WWOX: variants seen among roughly 807,000 people sequenced by gnomAD.
The protein encoded by WWOX is WW domain-containing oxidoreductase.
In WWOX, 69 loss-of-function variants were observed where a neutral mutation model predicts 46.2. That is an observed-to-expected ratio of 1.49 (90% CI 1.23 to 1.82). The LOEUF (loss-of-function observed/expected upper bound fraction) is 1.82, where lower values mean the gene tolerates loss of function less well. Among genes scored for constraint, WWOX ranks in the 40% most tolerant of loss-of-function variants. WWOX has a pLI of 0.00. For synonymous variants in WWOX, 359 were observed against 202.6 expected (o/e 1.77, Z -6.56); for missense variants, 919 against 542.6 (o/e 1.69, Z -6.89).
chr16:79,132,985 T>A (rs1464131306), intron 8 of WWOX, among the ~76,000 whole-genome samples: 7 of 152,182 alleles, frequency 4.6e-5, no homozygotes, highest in Non-Finnish European at 1.0e-4. Flanking sequence ...GTCACTTGGA[T>A]CTTACCAGTC....
In WWOX at chr16:78,453,267, T is replaced by G. The variant is rs78149005; in HGVS notation, c.1056+20515T>G. Among the ~76,000 whole-genome samples the G allele has an allele frequency of 5.2e-3, 787 of 152,004 alleles. 9 individuals are homozygous for G. Among genetic ancestry groups the G allele is most frequent in the African/African-American group, 0.018 (750 of 41,466 alleles). On this transcript the variant is annotated intron_variant, in intron 8 of 8. Coordinates refer to ENST00000566780, the MANE Select transcript of WWOX (RefSeq NM_016373.4). ...GGTGAGACCCTGTCTGTACTAAAAG[T>G]ACAGAAATTAGTTGGGCATGGTAGC...
intron 5 of WWOX, among the ~76,000 whole-genome samples, chr16:78,367,345 C>G (rs897122803): frequency 2.6e-5 from 4 of 152,012 alleles, no homozygotes; most frequent in Non-Finnish European, 4.4e-5. Flanking sequence ...CACATGTGGC[C>G]CAGGACAGCT....
At chr16:78,584,037 C>T (rs572921813) in intron 8 of WWOX, among the ~76,000 whole-genome samples, 2 of 152,176 alleles carry the variant, frequency 1.3e-5, no homozygotes, top group Admixed American at 6.5e-5. Context: ...CCCAGATCAA[C>T]CTGTCCCTTC....
chr16:78,821,624 C>T (rs888077174), intron 8 of WWOX, among the ~76,000 whole-genome samples: 1 of 152,144 alleles, frequency 6.6e-6, no homozygotes, highest in Admixed American at 6.5e-5. Flanking sequence ...ATGTTTATAA[C>T]TTTTAAAGTT....
In WWOX at chr16:79,045,386, G is replaced by A. The variant is rs575602386; in HGVS notation, c.1057-166222G>A. Among the ~76,000 whole-genome samples the A allele has an allele frequency of 1.1e-4, 17 of 152,252 alleles. No homozygotes were observed. In the South Asian group the frequency reaches 3.5e-3, roughly 32 times the overall value. ...TTGTCCAGCTTGTAGCTTGGAGTGT[G>A]GCCTGGCTCCCACTCCAGAGAGATG... On this transcript the variant is annotated intron_variant, in intron 8 of 8. Coordinates refer to ENST00000566780, the MANE Select transcript of WWOX (RefSeq NM_016373.4).
At chr16:78,187,791 C>T (rs1205734102) in intron 5 of WWOX, among the ~76,000 whole-genome samples, 1 of 152,144 alleles carries the variant, frequency 6.6e-6, no homozygotes, top group East Asian at 1.9e-4. Context: ...CCTTCCTTTA[C>T]CTTAACTTCA....
At chr16:78,856,088 A>C (rs2052559630) in intron 8 of WWOX, among the ~76,000 whole-genome samples, 1 of 152,228 alleles carries the variant, frequency 6.6e-6, no homozygotes. Flanking sequence ...ATGAGTATCC[A>C]GGGAGGATGT....
chr16:79,144,431 G>A (rs78538440), intron 8 of WWOX, among the ~76,000 whole-genome samples: 3,477 of 152,298 alleles, frequency 0.023, 64 homozygotes, highest in Non-Finnish European at 0.039. Flanking sequence ...CTTGTACAGA[G>A]AGAACTGGAA....
chr16:79,040,556 A>G (rs1001107796), intron 8 of WWOX, among the ~76,000 whole-genome samples: 15 of 152,140 alleles, frequency 9.9e-5, no homozygotes, highest in African/African-American at 3.4e-4. Flanking sequence ...GCTTACAGGT[A>G]TCAGCCACTG....
intron 8 of WWOX, among the ~76,000 whole-genome samples, chr16:78,870,687 T>G (rs1456086518): frequency 6.6e-6 from 1 of 152,152 alleles, no homozygotes; most frequent in African/African-American, 2.4e-5. Context: ...CGGCAACCTC[T>G]GCCTCCTGGG....
chr16:78,500,329 C>T (rs76372643), intron 8 of WWOX, among the ~76,000 whole-genome samples: 1,680 of 152,268 alleles, frequency 0.011, 29 homozygotes, highest in African/African-American at 0.038. Flanking sequence ...GAATTATTCC[C>T]GCTGCCATTC....
At chr16:78,147,206 T>C (rs183656126) in intron 4 of WWOX, among the ~76,000 whole-genome samples, 23 of 152,360 alleles carry the variant, frequency 1.5e-4, no homozygotes, top group Non-Finnish European at 2.5e-4. Context: ...AGGTAAGGAT[T>C]ATCCTTTAAT....
At chr16:79,095,734 G>C (rs567839189) in intron 8 of WWOX, among the ~76,000 whole-genome samples, 1 of 151,996 alleles carries the variant, frequency 6.6e-6, no homozygotes, top group Non-Finnish European at 1.5e-5. Flanking sequence ...GAGTTTACAT[G>C]TGAGAGGAGC....
At chr16:79,002,907 C>T (rs927172398) in intron 8 of WWOX, among the ~76,000 whole-genome samples, 1 of 152,186 alleles carries the variant, frequency 6.6e-6, no homozygotes, top group African/African-American at 2.4e-5. Context: ...TGCCTGTACT[C>T]CGTAATGCAG....
intron 8 of WWOX, among the ~76,000 whole-genome samples, chr16:79,098,442 A>C (rs8049291): frequency 0.12 from 17,735 of 152,284 alleles, 1,063 homozygotes; most frequent in East Asian, 0.18. Context: ...CCATGGGCAA[A>C]GGAGTGCATA....
At chr16:78,703,678 A>G (rs1207604648) in intron 8 of WWOX, among the ~76,000 whole-genome samples, 1 of 151,990 alleles carries the variant, frequency 6.6e-6, no homozygotes, top group Non-Finnish European at 1.5e-5. Flanking sequence ...GAATCACCAT[A>G]AAAAAGATGG....
At chr16:78,771,180 C>G (rs1295220829) in intron 8 of WWOX, among the ~76,000 whole-genome samples, 1 of 152,160 alleles carries the variant, frequency 6.6e-6, no homozygotes, top group Non-Finnish European at 1.5e-5. Context: ...TTTGGATAGT[C>G]TTGAACACAG....
chr16:78,556,144 C>T (rs143089043), intron 8 of WWOX, among the ~76,000 whole-genome samples: 20 of 151,798 alleles, frequency 1.3e-4, no homozygotes, highest in Middle Eastern at 3.4e-3. Flanking sequence ...TTTTCAAAGA[C>T]GCAAGAGGGT....
chr16:79,067,202 C>A (rs1333186097), intron 8 of WWOX, among the ~76,000 whole-genome samples: 1 of 152,148 alleles, frequency 6.6e-6, no homozygotes, highest in Non-Finnish European at 1.5e-5. Context: ...TCTGTCTTTG[C>A]TTCTGGTGAT....
Sources: allele counts gnomAD v4.1 joint callset (sites outside exome capture counted in the v4.1 genomes callset), GRCh38; gene constraint gnomAD v4.1.1; transcripts MANE v1.5; gene names NCBI Gene and HGNC (gene_info 2026-07-23, HGNC 2026-07-21).